Variants in COL20A1 observed in about 807,000 individuals in gnomAD.
COL20A1 encodes the protein collagen alpha-1(XX) chain.
A neutral mutation model predicts 152.9 loss-of-function variants in COL20A1; 164 were observed. The observed-to-expected ratio is 1.07, with a 90% CI of 0.94 to 1.22. The LOEUF (loss-of-function observed/expected upper bound fraction) is 1.22, where lower values mean the gene tolerates loss of function less well. Ranked by LOEUF, COL20A1 falls within the 50% of genes most tolerant of loss-of-function variation. The pLI is 0.00. For synonymous variants in COL20A1, 864 were observed against 756.0 expected, an observed-to-expected ratio of 1.14 and a Z score of -2.34; for missense variants, 1,873 against 1,744.8, an observed-to-expected ratio of 1.07 and a Z score of -1.31.
intron 29 of COL20A1, 106 bp from the exon 30 acceptor site, chr20:63,325,990 C>A: frequency 9.6e-7 from 1 of 1,046,224 alleles, no homozygotes; most frequent in Non-Finnish European, 1.5e-6. Context: ...CTCACCTTTG[C>A]TGCTTGGGTT....
intron 31 of COL20A1, chr20:63,327,747 G>A: frequency 5.0e-6 from 3 of 602,410 alleles, no homozygotes; most frequent in Non-Finnish European, 8.9e-6. Flanking sequence ...CTCTGCTGCA[G>A]AACCGAGCCT....
rs1288448121 is a variant in COL20A1, at chr20:63,334,704, G to A, written c.*3988G>A. 1 of 152,256 alleles carries A rather than the reference G, an allele frequency of 6.6e-6. No homozygotes were observed. Among genetic ancestry groups the A allele is most frequent in the Non-Finnish European group, 1.5e-5 (1 of 68,052 alleles). 9.4% of individuals were successfully genotyped at this position (152,256 alleles called of 1,614,324 possible). Reference sequence around the variant, plus strand: ...CTCCCAAAGTGGTGGGATTACAGGTGTGAGTCACCTCACCGGCCCTTAAAC... The same window carrying A: ...CTCCCAAAGTGGTGGGATTACAGGTATGAGTCACCTCACCGGCCCTTAAAC... On this transcript the variant is annotated 3_prime_UTR_variant, in exon 36 of 36. Coordinates refer to ENST00000358894, the MANE Select transcript of COL20A1 (RefSeq NM_020882.4).
chr20:63,326,859 GGT>G (rs1455773191), intron 31 of COL20A1, 36 bp downstream of exon 31: 1 of 1,440,034 alleles, frequency 6.9e-7, no homozygotes, highest in East Asian at 2.9e-5. Context: ...GCCAACCAAA[GGT>G]GGGGGAGCGA....
At chr20:63,318,150 G>T (rs930321292) in intron 21 of COL20A1, among the ~76,000 whole-genome samples, 3 of 152,190 alleles carry the variant, frequency 2.0e-5, no homozygotes, top group Non-Finnish European at 2.9e-5. Context: ...AGAGCTCACA[G>T]CCTGAGAAGT....
chr20:63,310,764 T>C (rs2067994559), intron 11 of COL20A1, among the ~76,000 whole-genome samples: 3 of 152,240 alleles, frequency 2.0e-5, no homozygotes, highest in Middle Eastern at 6.8e-3. Flanking sequence ...ATTATGCTGC[T>C]TGTCCACAGT....
Position 63,329,676 on chromosome 20 carries a change from C to T in COL20A1, c.*3+15C>T. ...GGGAGTGACAGGTGAGCCCCTGCTGCCTGCATCTATCTGCCAAGGCTGAGG... is the reference window on the plus strand; with the variant it reads ...GGGAGTGACAGGTGAGCCCCTGCTGTCTGCATCTATCTGCCAAGGCTGAGG... On this transcript the variant is annotated intron_variant, in intron 35 of 35. Transcript: ENST00000358894. The T allele has an allele frequency of 6.5e-7, 1 of 1,547,938 alleles. No homozygotes were observed. The highest frequency in any genetic ancestry group is 8.7e-7 in the Non-Finnish European group (1 of 1,150,850).
chr20:63,326,100 TGA>T lies in COL20A1; in HGVS notation c.3411_3412del (p.Gly1138ProfsTer26). The T allele has an allele frequency of 6.2e-7, 1 of 1,612,310 alleles. No homozygotes were observed. Among genetic ancestry groups the T allele is most frequent in the Non-Finnish European group, 8.5e-7 (1 of 1,179,328 alleles). Reference sequence around the variant, plus strand: ...TGCGCCTTCCTTTGCCATCAGGGAATGAGAGGCCTGGAGGGAACTGCTGGCCT... The same window carrying T: ...TGCGCCTTCCTTTGCCATCAGGGAATGAGGCCTGGAGGGAACTGCTGGCCT... On this transcript the variant is annotated frameshift_variant, in exon 30 of 36. Coordinates refer to ENST00000358894, the MANE Select transcript of COL20A1 (RefSeq NM_020882.4). LOFTEE classifies it high-confidence loss of function.
In COL20A1 at chr20:63,307,582, C is replaced by T. The variant is rs1361061594; in HGVS notation, c.589C>T (p.Gln197Ter). The stretch of plus-strand genomic sequence containing the variant: ...GAGCATTGGCCACAGTCACTTCCAG[C>T]AGGTCAAGGACTTCCTGGCCAGTGT... The part of the protein sequence containing the change: ...SWSIGHSHFQ[Q>*]VKDFLASVIA... Residue 197 changes from glutamine to a stop codon, truncating the protein, a stop_gained, in exon 6 of 36, where the codon CAG becomes TAG. Coordinates refer to ENST00000358894, the MANE Select transcript of COL20A1 (RefSeq NM_020882.4). LOFTEE classifies it high-confidence loss of function. 6.2e-7 allele frequency: 1 copy of T among 1,612,656 alleles called. No individual in the cohort carries two copies.
Position 63,319,545 on chromosome 20 carries a change from C to T in COL20A1, c.2865C>T (p.Ala955=). The change falls in exon 23 of 36, where the codon GCC becomes GCT. Residue 955 remains alanine (A), a synonymous_variant. Transcript: ENST00000358894. The surrounding 1 kb of genome is among the most constrained non-coding windows in gnomAD (Gnocchi z 4.4). The part of the protein sequence containing the change: ...HRDPRAALQE[A]TFDPQEVRKI... Reference sequence around the variant, plus strand: ...ACCCCAGGGCTGCCTTGCAGGAGGCCACCTTCGACCCGCAGGAAGTGAGGA... The same window carrying T: ...ACCCCAGGGCTGCCTTGCAGGAGGCTACCTTCGACCCGCAGGAAGTGAGGA... 3 of 1,598,666 alleles carry T rather than the reference C, an allele frequency of 1.9e-6. No individual in the cohort carries two copies. Among genetic ancestry groups the T allele is most frequent in the South Asian group, 1.1e-5 (1 of 88,102 alleles).
At position 63,305,374 on chromosome 20, in the gene COL20A1, C is replaced by G. The variant is rs747847135; in HGVS notation, c.194-43C>G. ...CTCCCCGCCGTGACAGATGCACACA[C>G]GTGTGCACCTTGGCCTCTAAAGCTC... is the stretch of plus-strand genomic sequence containing the variant. On this transcript the variant is annotated intron_variant, in intron 3 of 35. Coordinates refer to ENST00000358894, the MANE Select transcript of COL20A1 (RefSeq NM_020882.4). This position sits in a 1 kb window ranked among gnomAD's most constrained non-coding sequence, Gnocchi z 4.9. The G allele has an allele frequency of 7.1e-7, 1 of 1,414,010 alleles. No homozygotes were observed. Among genetic ancestry groups the G allele is most frequent in the Non-Finnish European group, 9.3e-7 (1 of 1,076,778 alleles). 87.6% of individuals were successfully genotyped at this position (1,414,010 alleles called of 1,614,324 possible).
rs748143635 is a variant in COL20A1, at chr20:63,320,283, C to T, written c.3076-8C>T. 22 of 1,609,022 alleles carry T rather than the reference C, an allele frequency of 1.4e-5. No homozygotes were observed. The highest frequency in any genetic ancestry group is 2.7e-5 in the African/African-American group (2 of 74,928). ...CCCCGGGGCTGAGCCGGCTCCCCTG[C>T]GTTGCAGTTTCAGCTCCAGATGCTG... On this transcript the variant is annotated splice_polypyrimidine_tract_variant and splice_region_variant and intron_variant, in intron 24 of 35. Transcript: ENST00000358894.
At chr20:63,315,618 T>G (rs2068074527) in intron 20 of COL20A1, among the ~76,000 whole-genome samples, 179 bp downstream of exon 20, 1 of 152,296 alleles carries the variant, frequency 6.6e-6, no homozygotes, top group South Asian at 2.1e-4. Context: ...TATTCCTGCT[T>G]CTCACTGAGG....
At chr20:63,308,158 C>G (rs554536635) in intron 7 of COL20A1, 68 bp downstream of exon 7, 28 of 1,577,498 alleles carry the variant, frequency 1.8e-5, no homozygotes, top group Middle Eastern at 3.5e-4. Flanking sequence ...TCCCAGATCC[C>G]GAAAGCTTGT....
At position 63,305,812 on chromosome 20, in the gene COL20A1, T is replaced by A; in HGVS notation, c.338-69T>A. On this transcript the variant is annotated intron_variant, in intron 4 of 35. Coordinates refer to ENST00000358894, the MANE Select transcript of COL20A1 (RefSeq NM_020882.4). This position sits in a 1 kb window ranked among gnomAD's most constrained non-coding sequence, Gnocchi z 4.9. The stretch of plus-strand genomic sequence containing the variant: ...CCACAGATGCGCCCTTGAAGGGGTG[T>A]ATGTGCAGCTGCCCCAGTGGACCAG... The A allele has an allele frequency of 2.0e-6, 3 of 1,485,578 alleles. No homozygotes were observed. The highest frequency in any genetic ancestry group is 2.3e-5 in the South Asian group (2 of 87,724). The allele number at this position is 1,485,578 out of a possible 1,614,324, so 92.0% of individuals were successfully genotyped here.
rs41309941 is a variant in COL20A1 at position 63,326,078 on chromosome 20, G to A, written c.3403-18G>A. On this transcript the variant is annotated intron_variant, in intron 29 of 35. Transcript: ENST00000358894. ...CAGGTACAAACCCCACCCAGCTTGC[G>A]CCTTCCTTTGCCATCAGGGAATGAG... is the stretch of plus-strand genomic sequence containing the variant. 0.018 allele frequency: 28,273 copies of A among 1,611,688 alleles called. 663 individuals carry two copies. The highest frequency in any genetic ancestry group is 0.11 in the Admixed American group (6,833 of 59,996).
Position 63,311,542 on chromosome 20 carries a change from G to C in COL20A1, c.1539+3G>C. 6.2e-7 allele frequency: 1 copy of C among 1,600,182 alleles called. No homozygotes were observed. Among genetic ancestry groups the C allele is most frequent in the South Asian group, 1.1e-5 (1 of 89,010 alleles). ...AGGGTGAAGAGGAGGAGCGAGAGGT[G>C]AGCTGGGCCGGGGGGTGGCGGGGGA... is the stretch of plus-strand genomic sequence containing the variant. On this transcript the variant is annotated splice_donor_region_variant and intron_variant, in intron 12 of 35. Transcript: ENST00000358894. The surrounding 1 kb of genome is among the most constrained non-coding windows in gnomAD (Gnocchi z 4.4).
intron 21 of COL20A1, among the ~76,000 whole-genome samples, chr20:63,318,272 A>G (rs991022375): frequency 1.3e-5 from 2 of 152,164 alleles, no homozygotes; most frequent in African/African-American, 4.8e-5. Flanking sequence ...CTGAGGTGGC[A>G]TCACAGGTGC....
chr20:63,311,855 C>T lies in COL20A1; in HGVS notation c.1664-61C>T. 6.6e-7 allele frequency: 1 copy of T among 1,506,440 alleles called. No homozygotes were observed. Among genetic ancestry groups the T allele is most frequent in the Non-Finnish European group, 8.9e-7 (1 of 1,128,570 alleles). The allele number at this position is 1,506,440 out of a possible 1,614,324, so 93.3% of individuals were successfully genotyped here. On this transcript the variant is annotated intron_variant, in intron 13 of 35. Transcript: ENST00000358894. The surrounding 1 kb of genome is among the most constrained non-coding windows in gnomAD (Gnocchi z 4.4). ...AGGCCCCCTCGGTCCCAGCCACTGC[C>T]CACCCTTGCCCCTGCCATGGAGGCC...
At chr20:63,320,422 C>T in intron 25 of COL20A1, 54 bp downstream of exon 25, 2 of 1,542,540 alleles carry the variant, frequency 1.3e-6, no homozygotes, top group Non-Finnish European at 1.8e-6. Flanking sequence ...CAAGTGCCCA[C>T]TGAGGGTCAC....
Sources: allele counts gnomAD v4.1 joint callset (sites outside exome capture counted in the v4.1 genomes callset), GRCh38; gene constraint gnomAD v4.1.1; non-coding constraint Gnocchi (gnomAD v3.1); transcripts MANE v1.5; gene names NCBI Gene and HGNC (gene_info 2026-07-23, HGNC 2026-07-21).